Variants in ANO1 observed in about 807,000 individuals in gnomAD.
ANO1 encodes anoctamin-1.
Under a neutral mutation model 124.0 loss-of-function variants are expected in ANO1, and 59 were observed. That is an observed-to-expected ratio of 0.48 (90% CI 0.39 to 0.59). The LOEUF (loss-of-function observed/expected upper bound fraction) is 0.59. Ranked by LOEUF, ANO1 falls within the 20% of genes least tolerant of loss-of-function variation. The probability of loss-of-function intolerance (pLI) is 0.00; values close to 1 mark genes in which losing one functional copy is unlikely to be tolerated. For synonymous variants in ANO1, 529 were observed against 532.0 expected (o/e 0.99, Z 0.08); for missense variants, 1,059 against 1,328.0 (o/e 0.80, Z 3.15).
chr11:70,025,921 CGAT>C (rs1565163727), intron 1 of ANO1, among the ~76,000 whole-genome samples: 24 of 58,964 alleles, frequency 4.1e-4, no homozygotes, highest in African/African-American at 1.6e-3. Flanking sequence ...GTGGTGGTGA[CGAT>C]GATGATGGTG....
upstream of ANO1, among the ~76,000 whole-genome samples, chr11:70,077,317 G>T (rs2044074576): frequency 6.6e-6 from 1 of 152,188 alleles, no homozygotes; most frequent in East Asian, 1.9e-4. Flanking sequence ...GTGGGAAGGG[G>T]ACAGTAGGGG....
chr11:70,093,472 T>C (rs1244635970), intron 2 of ANO1, among the ~76,000 whole-genome samples: 1 of 152,128 alleles, frequency 6.6e-6, no homozygotes, highest in South Asian at 2.1e-4. Context: ...CTGCTGGACA[T>C]TATTTATGTC....
chr11:70,053,372 T>G (rs1476089252), intron 1 of ANO1, among the ~76,000 whole-genome samples: 1 of 152,226 alleles, frequency 6.6e-6, no homozygotes, highest in African/African-American at 2.4e-5. Context: ...AGGGTACAGC[T>G]TTCAATACCT....
upstream of ANO1, among the ~76,000 whole-genome samples, chr11:69,985,165 G>A (rs929335241): frequency 6.6e-6 from 1 of 152,242 alleles, no homozygotes; most frequent in African/African-American, 2.4e-5. Flanking sequence ...GTCGGGGACA[G>A]GCTGTGCATC....
At chr11:69,998,361 T>G (rs782682264) in intron 1 of ANO1, among the ~76,000 whole-genome samples, 22 of 152,152 alleles carry the variant, frequency 1.4e-4, no homozygotes, top group Non-Finnish European at 2.9e-4. Context: ...TTCTGCCTAT[T>G]CTAGCTCTTC....
intron 14 of ANO1, 59 bp downstream of exon 14, chr11:70,153,187 T>G: frequency 7.0e-7 from 1 of 1,423,908 alleles, no homozygotes; most frequent in South Asian, 1.2e-5. Context: ...TCATCAACCA[T>G]GTAGACCTGG....
the ANO1 span, among the ~76,000 whole-genome samples, chr11:69,967,189 G>C: frequency 6.9e-6 from 1 of 144,800 alleles, no homozygotes; most frequent in South Asian, 2.2e-4. Context: ...CTGAGCGCCC[G>C]TATCGCACGT....
At chr11:70,169,158 G>A (rs893966353) in intron 21 of ANO1, among the ~76,000 whole-genome samples, 6 of 152,164 alleles carry the variant, frequency 3.9e-5, no homozygotes, top group Non-Finnish European at 7.4e-5. Context: ...AGTGGGCCGC[G>A]AGAGTGGCAG....
At chr11:69,975,708 A>G in the ANO1 span, among the ~76,000 whole-genome samples, 270 of 152,270 alleles carry the variant, frequency 1.8e-3, no homozygotes, top group African/African-American at 6.0e-3. Context: ...TCCAGGACAA[A>G]CTTCCACAAA....
chr11:70,108,211 C>T (rs1338929725), intron 5 of ANO1, 142 bp from the exon 6 acceptor site: 3 of 707,196 alleles, frequency 4.2e-6, no homozygotes, highest in Non-Finnish European at 6.9e-6. Context: ...GAATAAATGC[C>T]ATTGTCTTTC....
At chr11:70,112,489 T>C (rs2045822889) in intron 7 of ANO1, among the ~76,000 whole-genome samples, 1 of 152,056 alleles carries the variant, frequency 6.6e-6, no homozygotes, top group African/African-American at 2.4e-5. Flanking sequence ...CTTGTCTCAC[T>C]GAGCCTCAGT....
At chr11:70,030,906 A>G (rs2135028827) in intron 1 of ANO1, among the ~76,000 whole-genome samples, 1 of 152,292 alleles carries the variant, frequency 6.6e-6, no homozygotes, top group African/African-American at 2.4e-5. Flanking sequence ...CTGTGGTTTT[A>G]TGCATTCACG....
At chr11:70,060,516 A>T (rs916095821) in intron 1 of ANO1, among the ~76,000 whole-genome samples, 10 of 152,208 alleles carry the variant, frequency 6.6e-5, no homozygotes, top group Middle Eastern at 3.2e-3. Context: ...ACTGGGCTGA[A>T]ATTGGGCCCA....
intron 1 of ANO1, among the ~76,000 whole-genome samples, chr11:69,987,261 G>A (rs554139533): frequency 6.6e-6 from 1 of 152,152 alleles, no homozygotes; most frequent in Non-Finnish European, 1.5e-5. Flanking sequence ...CTTCCTGAGC[G>A]GCTTCCTCAA....
intron 1 of ANO1, among the ~76,000 whole-genome samples, chr11:69,990,581 G>T (rs1554997346): frequency 6.6e-6 from 1 of 152,124 alleles, no homozygotes; most frequent in African/African-American, 2.4e-5. Context: ...TTTACACAAT[G>T]GCTGCACCAT....
At chr11:70,030,616 C>T (rs1346968795) in intron 1 of ANO1, among the ~76,000 whole-genome samples, 1 of 152,192 alleles carries the variant, frequency 6.6e-6, no homozygotes, top group Non-Finnish European at 1.5e-5. Flanking sequence ...CTGCCATGTC[C>T]TCTCTGTCAT....
At chr11:70,107,697 G>T (rs1350663370) in intron 5 of ANO1, among the ~76,000 whole-genome samples, 1 of 152,166 alleles carries the variant, frequency 6.6e-6, no homozygotes, top group East Asian at 1.9e-4. Context: ...GCTGCAAATG[G>T]CAGAGCTGGC....
intron 15 of ANO1, among the ~76,000 whole-genome samples, chr11:70,156,194 G>A (rs897079235): frequency 2.6e-5 from 4 of 151,752 alleles, no homozygotes; most frequent in African/African-American, 9.7e-5. Flanking sequence ...GGGGACGGGG[G>A]TGGGGCTCTG....
At chr11:70,186,912 G>C (rs1357810804) in intron 25 of ANO1, among the ~76,000 whole-genome samples, 1 of 152,226 alleles carries the variant, frequency 6.6e-6, no homozygotes, top group Non-Finnish European at 1.5e-5. Context: ...ACCAGAGCCT[G>C]AGAGCCCAGC....
Sources: allele counts gnomAD v4.1 joint callset (sites outside exome capture counted in the v4.1 genomes callset), GRCh38; gene constraint gnomAD v4.1.1; transcripts MANE v1.5; gene names NCBI Gene and HGNC (gene_info 2026-07-23, HGNC 2026-07-21).